The following CEP83 variants were observed in gnomAD, a reference collection of about 807,000 sequenced individuals.
CEP83 encodes centrosomal protein of 83 kDa.
Under a neutral mutation model 101.9 loss-of-function variants are expected in CEP83, and 70 were observed. The ratio of observed to expected loss-of-function variants is 0.69; its 90% CI spans 0.57 to 0.84. The LOEUF (loss-of-function observed/expected upper bound fraction) is 0.84, where lower values mean the gene tolerates loss of function less well. CEP83 is among the 40% of genes least tolerant of loss of function. The pLI is 0.00. For missense variants in CEP83, 715 were observed against 787.2 expected, an observed-to-expected ratio of 0.91 and a Z score of 1.10; for synonymous variants, 264 against 267.9, an observed-to-expected ratio of 0.99 and a Z score of 0.14.
At chr12:94,295,261 C>A in the CEP83 span, among the ~76,000 whole-genome samples, 4 of 152,204 alleles carry the variant, frequency 2.6e-5, no homozygotes, top group Non-Finnish European at 5.9e-5. Flanking sequence ...GAGCATCTGG[C>A]CAGTGCAAAC....
chr12:94,297,251 G>A, the CEP83 span: 1 of 1,613,804 alleles, frequency 6.2e-7, no homozygotes, highest in Non-Finnish European at 8.5e-7. Context: ...GCTCACCACT[G>A]AACTGCATGC....
rs373961007 is a variant in CEP83 at position 94,454,459 on chromosome 12, G to A, written c.-155+5098C>T. ...GCGCTCTGTGTCTAACTAAAGGTTTGTAAACGCACCAATCAGCACTCTGTA... is the reference window on the plus strand; with the variant it reads ...GCGCTCTGTGTCTAACTAAAGGTTTATAAACGCACCAATCAGCACTCTGTA... On this transcript the variant is annotated intron_variant, in intron 1 of 16. Transcript: ENST00000397809. Among the ~76,000 whole-genome samples, 7 of 152,296 alleles carry A rather than the reference G, an allele frequency of 4.6e-5. 1 individual carries two copies. The highest frequency in any genetic ancestry group is 1.7e-4 in the African/African-American group (7 of 41,570).
chr12:94,387,351 A>G (rs971519950), intron 6 of CEP83, among the ~76,000 whole-genome samples: 51 of 152,272 alleles, frequency 3.3e-4, no homozygotes, highest in African/African-American at 1.2e-3. Context: ...TGTGAACCCT[A>G]TTGCGAACTG....
intron 14 of CEP83, among the ~76,000 whole-genome samples, chr12:94,314,258 A>C (rs940773440): frequency 6.6e-6 from 1 of 152,222 alleles, no homozygotes; most frequent in Non-Finnish European, 1.5e-5. Context: ...AAATGCATAG[A>C]ATAGAAACGT....
chr12:94,426,121 CAAA>C (rs202127826), intron 2 of CEP83, among the ~76,000 whole-genome samples: 2 of 121,108 alleles, frequency 1.7e-5, no homozygotes, highest in South Asian at 2.7e-4. Flanking sequence ...AACTCCGTCT[CAAA>C]AAAAAAAAAA....
chr12:94,446,183 G>GTAACTATCTTACTTACCT (rs2066786698), intron 1 of CEP83, among the ~76,000 whole-genome samples: 1 of 152,260 alleles, frequency 6.6e-6, no homozygotes, highest in East Asian at 1.9e-4. Context: ...AATTAGGTAA[G>GTAACTATCTTACTTACCT]TAACTATCTT....
chr12:94,343,337 C>T (rs546782910), intron 11 of CEP83, among the ~76,000 whole-genome samples: 1 of 152,000 alleles, frequency 6.6e-6, no homozygotes, highest in South Asian at 2.1e-4. Context: ...TTTTTTGCAC[C>T]CTGGGTGCCT....
At chr12:94,380,866 C>T (rs1022722380) in intron 6 of CEP83, among the ~76,000 whole-genome samples, 4 of 152,106 alleles carry the variant, frequency 2.6e-5, no homozygotes, top group Admixed American at 6.5e-5. Flanking sequence ...TTTCTTTCCA[C>T]GTTTTGGGAG....
chr12:94,346,608 G>A (rs752207620), intron 11 of CEP83, among the ~76,000 whole-genome samples: 1 of 152,168 alleles, frequency 6.6e-6, no homozygotes, highest in Non-Finnish European at 1.5e-5. Context: ...AGTGAGACTG[G>A]TGTCTGAAAT....
downstream of CEP83, chr12:94,305,456 C>T: frequency 1.7e-6 from 1 of 579,346 alleles, no homozygotes; most frequent in Middle Eastern, 2.9e-4. Context: ...AGCATACCAA[C>T]CCTTGTGCCT....
chr12:94,453,719 T>C (rs1199457278), intron 1 of CEP83, among the ~76,000 whole-genome samples: 1 of 152,172 alleles, frequency 6.6e-6, no homozygotes, highest in Non-Finnish European at 1.5e-5. Context: ...ATTTATGTTT[T>C]CAAATGAGAA....
At chr12:94,419,421 A>G (rs1361350611) in intron 2 of CEP83, among the ~76,000 whole-genome samples, 1 of 152,138 alleles carries the variant, frequency 6.6e-6, no homozygotes, top group African/African-American at 2.4e-5. Flanking sequence ...AAAGAGACAA[A>G]TTCTCCCCAA....
At chr12:94,299,253 TTG>T in the CEP83 span, among the ~76,000 whole-genome samples, 18 of 152,268 alleles carry the variant, frequency 1.2e-4, no homozygotes, top group South Asian at 2.1e-3. Flanking sequence ...AGCCAAAAGT[TTG>T]TGTTTTGTTT....
chr12:94,313,991 A>C (rs543272747), intron 14 of CEP83, among the ~76,000 whole-genome samples: 249 of 152,358 alleles, frequency 1.6e-3, no homozygotes, highest in Admixed American at 2.7e-3. Flanking sequence ...TCTTAAAAGG[A>C]AAAAATTTAA....
At chr12:94,438,222 A>C (rs1405420914) in intron 1 of CEP83, among the ~76,000 whole-genome samples, 6 of 151,968 alleles carry the variant, frequency 3.9e-5, no homozygotes. Context: ...GTCCCAATTA[A>C]AAAAAAGAAA....
chr12:94,439,671 A>G (rs2066254476), intron 1 of CEP83, among the ~76,000 whole-genome samples: 1 of 152,170 alleles, frequency 6.6e-6, no homozygotes, highest in Non-Finnish European at 1.5e-5. Context: ...AAAAGAGGGA[A>G]TCCTCCCTAA....
At chr12:94,455,002 C>A (rs947391337) in intron 1 of CEP83, among the ~76,000 whole-genome samples, 1 of 151,992 alleles carries the variant, frequency 6.6e-6, no homozygotes, top group Non-Finnish European at 1.5e-5. Context: ...ACTCCGGACA[C>A]ATCTGAACAT....
rs543303701 is a variant in CEP83 at position 94,415,451 on chromosome 12, G to A, written c.-101-2860C>T. 3.9e-5 allele frequency among the ~76,000 whole-genome samples: 6 copies of A among 152,148 alleles called. No homozygotes were observed. The South Asian group carries it at 8.3e-4, about 21-fold the overall frequency. ...TGAAAAGTAAATTGTTTATAGGTTT[G>A]TCTTAAAATTGAGTCCTCATATCAA... On this transcript the variant is annotated intron_variant, in intron 2 of 16. Transcript: ENST00000397809.
At chr12:94,403,806 T>C (rs976235353) in intron 4 of CEP83, among the ~76,000 whole-genome samples, 1 of 150,998 alleles carries the variant, frequency 6.6e-6, no homozygotes, top group Non-Finnish European at 1.5e-5. Flanking sequence ...GTATTCCCAA[T>C]ACCTCCCACC....
Sources: gnomAD v4.1 joint callset for allele counts (sites outside exome capture counted in the v4.1 genomes callset) on GRCh38, gnomAD v4.1.1 for gene constraint, MANE v1.5 for transcripts, NCBI Gene and HGNC (gene_info 2026-07-23, HGNC 2026-07-21) for gene names.